PDIA5: variants seen among roughly 807,000 people sequenced by gnomAD.
PDIA5 encodes protein disulfide isomerase family A member 5, also known as protein disulfide-isomerase A5.
In PDIA5, 58 loss-of-function variants were observed where a neutral mutation model predicts 77.6. The observed-to-expected ratio is 0.75, with a 90% CI of 0.61 to 0.93. The LOEUF (loss-of-function observed/expected upper bound fraction) is 0.93, where lower values mean the gene tolerates loss of function less well. Ranked by LOEUF, PDIA5 falls within the 40% of genes least tolerant of loss-of-function variation. PDIA5 has a pLI of 0.00. For synonymous variants in PDIA5, 250 were observed against 252.1 expected (o/e 0.99, Z 0.08); for missense variants, 630 against 647.7 (o/e 0.97, Z 0.30).
intron 11 of PDIA5, among the ~76,000 whole-genome samples, chr3:123,134,833 G>A (rs3792386): frequency 0.51 from 77,911 of 152,120 alleles, 20,657 homozygotes; most frequent in Non-Finnish European, 0.59. Context: ...GAGCTGGGCC[G>A]GGCCTCCTGG....
At chr3:123,131,459 T>TA (rs61306584) in intron 11 of PDIA5, among the ~76,000 whole-genome samples, 16 of 147,470 alleles carry the variant, frequency 1.1e-4, no homozygotes, top group East Asian at 2.0e-4. Flanking sequence ...TTTTTTAATT[T>TA]AAAAAAAAAA....
chr3:123,132,881 G>T (rs924126493), intron 11 of PDIA5, among the ~76,000 whole-genome samples: 1 of 152,166 alleles, frequency 6.6e-6, no homozygotes, highest in Admixed American at 6.5e-5. Context: ...GAGGTCACCA[G>T]TCCCCTGGGC....
chr3:123,151,807 T>TGCCTG (rs1935907194), intron 14 of PDIA5, among the ~76,000 whole-genome samples: 2 of 119,082 alleles, frequency 1.7e-5, no homozygotes, highest in Non-Finnish European at 3.4e-5. Flanking sequence ...CTGCCTGCCT[T>TGCCTG]CCTGCCTGCC....
chr3:123,111,068 GT>G, intron 7 of PDIA5, 64 bp downstream of exon 7: 3 of 1,263,432 alleles, frequency 2.4e-6, no homozygotes, highest in Non-Finnish European at 2.3e-6. Context: ...TGGGAGGCAG[GT>G]GGGGGTTGCG....
intron 11 of PDIA5, among the ~76,000 whole-genome samples, chr3:123,143,194 G>A (rs950221266): frequency 5.9e-5 from 9 of 151,910 alleles, no homozygotes; most frequent in Non-Finnish European, 1.3e-4. Context: ...GACCATCCTG[G>A]CTAACACAGT....
In PDIA5 at chr3:123,147,619, A is replaced by T. The variant is rs113499697; in HGVS notation, c.1142+1360A>T. ...CCTCTGGCAAGAGATGAATGGACTGATGAGATCCTGGCCTCAGCTTCTCCC... is the reference window on the plus strand; with the variant it reads ...CCTCTGGCAAGAGATGAATGGACTGTTGAGATCCTGGCCTCAGCTTCTCCC... On this transcript the variant is annotated intron_variant, in intron 13 of 16. Coordinates refer to ENST00000316218, the MANE Select transcript of PDIA5 (RefSeq NM_006810.4). 4.9e-3 allele frequency among the ~76,000 whole-genome samples: 739 copies of T among 152,268 alleles called. 7 individuals carry two copies. The highest frequency in any genetic ancestry group is 0.017 in the African/African-American group (705 of 41,550).
intron 8 of PDIA5, among the ~76,000 whole-genome samples, chr3:123,117,157 A>T (rs836843): frequency 0.75 from 112,947 of 151,138 alleles, 42,565 homozygotes; most frequent in Non-Finnish European, 0.8. Context: ...TATTTTTTCA[A>T]TGTGGTAAAA....
intron 7 of PDIA5, among the ~76,000 whole-genome samples, chr3:123,113,990 G>A (rs1296056536): frequency 6.6e-6 from 1 of 152,174 alleles, no homozygotes; most frequent in Non-Finnish European, 1.5e-5. Flanking sequence ...CCTATTTTTG[G>A]TAAAGTTAAA....
intron 3 of PDIA5, among the ~76,000 whole-genome samples, chr3:123,094,095 A>G (rs1934371176): frequency 6.6e-6 from 1 of 152,240 alleles, no homozygotes; most frequent in Non-Finnish European, 1.5e-5. Flanking sequence ...AGTGCCAATG[A>G]GAATATCCTG....
intron 15 of PDIA5, among the ~76,000 whole-genome samples, chr3:123,156,721 G>T (rs1310438775): frequency 2.0e-5 from 3 of 152,210 alleles, no homozygotes; most frequent in African/African-American, 7.2e-5. Flanking sequence ...GGCATGACTG[G>T]CAGACAGATC....
At chr3:123,080,286 T>G (rs1224417095) in intron 1 of PDIA5, among the ~76,000 whole-genome samples, 2 of 152,188 alleles carry the variant, frequency 1.3e-5, no homozygotes, top group Non-Finnish European at 2.9e-5. Context: ...TTGAGTGGTC[T>G]CAGGAGATTT....
intron 2 of PDIA5, among the ~76,000 whole-genome samples, chr3:123,091,494 C>A (rs1041468432): frequency 1.1e-4 from 17 of 152,162 alleles, no homozygotes; most frequent in Admixed American, 9.2e-4. Context: ...CTGGCCACAG[C>A]CACTTTGCAG....
chr3:123,129,097 A>T (rs1424355543), intron 10 of PDIA5, among the ~76,000 whole-genome samples: 1 of 152,164 alleles, frequency 6.6e-6, no homozygotes, highest in Non-Finnish European at 1.5e-5. Context: ...AGATGCACAT[A>T]ATTTTGTATG....
intron 1 of PDIA5, among the ~76,000 whole-genome samples, chr3:123,088,804 G>T (rs900656211): frequency 6.6e-6 from 1 of 152,136 alleles, no homozygotes; most frequent in African/African-American, 2.4e-5. Flanking sequence ...GTAAGTAGTT[G>T]TTATACTGTA....
At chr3:123,117,426 T>A (rs1935023862) in intron 8 of PDIA5, among the ~76,000 whole-genome samples, 1 of 125,818 alleles carries the variant, frequency 7.9e-6, no homozygotes, top group Non-Finnish European at 1.7e-5. Flanking sequence ...GGTCTCACTA[T>A]GTTGCCCAGG....
intron 7 of PDIA5, among the ~76,000 whole-genome samples, chr3:123,112,534 CTTTTT>C (rs55977938): frequency 6.5e-5 from 4 of 61,478 alleles, no homozygotes; most frequent in Non-Finnish European, 1.1e-4. Context: ...CAGCCCTATT[CTTTTT>C]TTTTTTTTTT....
chr3:123,082,479 G>A (rs947416355), intron 1 of PDIA5, among the ~76,000 whole-genome samples: 2 of 152,102 alleles, frequency 1.3e-5, no homozygotes, highest in Non-Finnish European at 1.5e-5. Context: ...TGAAACCTGG[G>A]AAGTGTGCTC....
At chr3:123,112,200 C>T (rs1022013492) in intron 7 of PDIA5, among the ~76,000 whole-genome samples, 2 of 152,162 alleles carry the variant, frequency 1.3e-5, no homozygotes, top group Non-Finnish European at 2.9e-5. Flanking sequence ...TGAGCTGCAT[C>T]GGCCCTTCAC....
At chr3:123,081,309 G>A (rs1327829721) in intron 1 of PDIA5, among the ~76,000 whole-genome samples, 2 of 152,196 alleles carry the variant, frequency 1.3e-5, no homozygotes, top group Non-Finnish European at 2.9e-5. Context: ...GAGAAGGAGA[G>A]ATGACAACTA....
Sources: allele counts gnomAD v4.1 joint callset (sites outside exome capture counted in the v4.1 genomes callset), GRCh38; gene constraint gnomAD v4.1.1; transcripts MANE v1.5; gene names NCBI Gene and HGNC (gene_info 2026-07-23, HGNC 2026-07-21).